STARD13: variants seen among roughly 807,000 people sequenced by gnomAD.
STARD13 encodes stAR-related lipid transfer protein 13.
In STARD13, 62 loss-of-function variants were observed where a neutral mutation model predicts 106.4. The ratio of observed to expected loss-of-function variants is 0.58; its 90% CI spans 0.48 to 0.72. STARD13 has a LOEUF of 0.72. Ranked by LOEUF, STARD13 falls within the 30% of genes least tolerant of loss-of-function variation. The probability of loss-of-function intolerance (pLI) is 0.00; values close to 1 mark genes in which losing one functional copy is unlikely to be tolerated. For synonymous variants in STARD13, 565 were observed against 553.0 expected (o/e 1.02, Z -0.31); for missense variants, 1,387 against 1,424.0 (o/e 0.97, Z 0.42).
chr13:33,588,842 T>C, the STARD13 span, among the ~76,000 whole-genome samples: 2 of 152,196 alleles, frequency 1.3e-5, no homozygotes, highest in Non-Finnish European at 2.9e-5. Context: ...TTACTACTTA[T>C]TCGCCCCCTC....
At chr13:33,239,405 GC>G (rs1889356156) in intron 1 of STARD13, among the ~76,000 whole-genome samples, 1 of 152,086 alleles carries the variant, frequency 6.6e-6, no homozygotes, top group African/African-American at 2.4e-5. Context: ...AAGTAGAATT[GC>G]TGGATTATAT....
At chr13:33,231,130 G>C (rs997225665) in intron 1 of STARD13, among the ~76,000 whole-genome samples, 2 of 152,180 alleles carry the variant, frequency 1.3e-5, no homozygotes, top group Non-Finnish European at 2.9e-5. Context: ...GAGTGATAAA[G>C]GACAGTTGTA....
At chr13:33,363,057 C>A in the STARD13 span, among the ~76,000 whole-genome samples, 1 of 152,352 alleles carries the variant, frequency 6.6e-6, no homozygotes, top group Non-Finnish European at 1.5e-5. Flanking sequence ...CCACTTCACC[C>A]ATCTACTCCC....
the STARD13 span, among the ~76,000 whole-genome samples, chr13:33,621,893 C>A: frequency 6.6e-6 from 1 of 151,454 alleles, no homozygotes; most frequent in Non-Finnish European, 1.5e-5. Flanking sequence ...CAACCTCCCC[C>A]TCCCGGGTTC....
At chr13:33,625,536 C>T in the STARD13 span, among the ~76,000 whole-genome samples, 1 of 151,914 alleles carries the variant, frequency 6.6e-6, no homozygotes, top group African/African-American at 2.4e-5. Flanking sequence ...CACCACTGCA[C>T]TCCAGCCTGG....
At chr13:33,666,615 G>C in the STARD13 span, among the ~76,000 whole-genome samples, 1 of 151,824 alleles carries the variant, frequency 6.6e-6, no homozygotes, top group Non-Finnish European at 1.5e-5. Flanking sequence ...TTAAGACAGA[G>C]TCACGCTCTG....
chr13:33,156,090 G>C (rs1315312974), intron 3 of STARD13, among the ~76,000 whole-genome samples: 1 of 152,196 alleles, frequency 6.6e-6, no homozygotes, highest in Non-Finnish European at 1.5e-5. Context: ...AAATTTCCAT[G>C]GGTAAGGGCA....
chr13:33,361,515 A>G, the STARD13 span, among the ~76,000 whole-genome samples: 4 of 152,262 alleles, frequency 2.6e-5, no homozygotes, highest in East Asian at 7.7e-4. Context: ...GCATTGTTCA[A>G]TGATGTATTA....
At chr13:33,433,161 T>C in the STARD13 span, among the ~76,000 whole-genome samples, 444 of 152,330 alleles carry the variant, frequency 2.9e-3, 2 homozygotes, top group African/African-American at 0.01. Context: ...GTATTGATTA[T>C]ACTAAAGGAT....
chr13:33,443,071 C>A, the STARD13 span, among the ~76,000 whole-genome samples: 2 of 152,034 alleles, frequency 1.3e-5, no homozygotes, highest in Admixed American at 1.3e-4. Flanking sequence ...TACCACTGAA[C>A]TGTACACTTA....
intron 1 of STARD13, among the ~76,000 whole-genome samples, chr13:33,231,415 C>T (rs887845720): frequency 6.6e-6 from 1 of 152,130 alleles, no homozygotes; most frequent in African/African-American, 2.4e-5. Context: ...TCTGGTGCTT[C>T]GTAGTCCTGG....
At chr13:33,499,603 CTTTCTTCTTCT>C in the STARD13 span, among the ~76,000 whole-genome samples, 1 of 47,296 alleles carries the variant, frequency 2.1e-5, no homozygotes, top group African/African-American at 1.1e-4. Context: ...TCTTCTTCTT[CTTTCTTCTTCT>C]TCTTCTTCTT....
chr13:33,126,464 AATGT>A (rs1424808744), intron 6 of STARD13, among the ~76,000 whole-genome samples: 2 of 152,186 alleles, frequency 1.3e-5, no homozygotes, highest in Non-Finnish European at 2.9e-5. Flanking sequence ...ACGTTCCCAG[AATGT>A]ATTTGTAGCT....
Position 33,343,599 on chromosome 13 carries a change from AAATCT to A in STARD13, c.124+6686_124+6690del, listed in dbSNP as rs1357916404. 3.8e-3 allele frequency among the ~76,000 whole-genome samples: 405 copies of A among 107,014 alleles called. 6 individuals carry two copies. The highest frequency in any genetic ancestry group is 0.014 in the African/African-American group (383 of 27,162). The allele number at this position is 107,014 out of a possible 152,430, so 70.2% of individuals were successfully genotyped here. On this transcript the variant is annotated intron_variant, in intron 1 of 5. Coordinates refer to the STARD13 transcript ENST00000567873. ...TCTTAAAAAAAAAAAAAAAAAAAAC[AAATCT>A]ACAAATCTAGTAGTCCCTCTCCCTA...
At chr13:33,372,199 A>G in the STARD13 span, among the ~76,000 whole-genome samples, 1 of 152,206 alleles carries the variant, frequency 6.6e-6, no homozygotes, top group East Asian at 1.9e-4. Context: ...GTTCATTCCA[A>G]ATGGATCATT....
At chr13:33,345,884 G>A (rs191572446), downstream of STARD13, among the ~76,000 whole-genome samples, 74 of 152,190 alleles carry the variant, frequency 4.9e-4, no homozygotes, top group South Asian at 5.0e-3. Flanking sequence ...GGGCTTCCTT[G>A]TTAGGAAGAT....
At chr13:33,404,408 A>G in the STARD13 span, among the ~76,000 whole-genome samples, 1 of 152,212 alleles carries the variant, frequency 6.6e-6, no homozygotes, top group Non-Finnish European at 1.5e-5. Context: ...AGAGAGAGAG[A>G]GTCTGACTAA....
intron 1 of STARD13, among the ~76,000 whole-genome samples, chr13:33,337,243 G>C (rs903276246): frequency 2.0e-5 from 3 of 152,036 alleles, no homozygotes; most frequent in African/African-American, 7.2e-5. Context: ...TTCTGAGTAA[G>C]TACCCTAGGT....
At chr13:33,341,689 G>T (rs1042611802) in intron 1 of STARD13, among the ~76,000 whole-genome samples, 1 of 152,178 alleles carries the variant, frequency 6.6e-6, no homozygotes, top group African/African-American at 2.4e-5. Flanking sequence ...AATGAATATG[G>T]TCTTTCTTTT....
Sources: gnomAD v4.1 joint callset for allele counts (sites outside exome capture counted in the v4.1 genomes callset) on GRCh38, gnomAD v4.1.1 for gene constraint, MANE v1.5 for transcripts, NCBI Gene and HGNC (gene_info 2026-07-23, HGNC 2026-07-21) for gene names.